The following TRPC6 variants were observed in gnomAD, a reference collection of about 807,000 sequenced individuals.
The protein encoded by TRPC6 is short transient receptor potential channel 6.
Under a neutral mutation model 90.7 loss-of-function variants are expected in TRPC6, and 55 were observed. The ratio of observed to expected loss-of-function variants is 0.61; its 90% confidence interval spans 0.49 to 0.76. TRPC6 has a LOEUF of 0.76. TRPC6 is among the 30% of genes least tolerant of loss of function. The pLI is 0.00. For missense variants in TRPC6, 989 were observed against 1,122.7 expected, an observed-to-expected ratio of 0.88 and a Z score of 1.70; for synonymous variants, 393 against 393.0, an observed-to-expected ratio of 1.00 and a Z score of 0.00.
intron 1 of TRPC6, among the ~76,000 whole-genome samples, chr11:101,574,275 A>G (rs11224876): frequency 0.074 from 11,101 of 151,028 alleles, 693 homozygotes; most frequent in Non-Finnish European, 0.11. Flanking sequence ...TACCATAACA[A>G]ATTTGTTTAT....
At chr11:101,533,353 A>G (rs1157747837) in intron 1 of TRPC6, among the ~76,000 whole-genome samples, 2 of 151,990 alleles carry the variant, frequency 1.3e-5, no homozygotes, top group Non-Finnish European at 2.9e-5. Context: ...GAATGGGAGC[A>G]AGAGAGAGAG....
intron 10 of TRPC6, among the ~76,000 whole-genome samples, chr11:101,466,224 G>A (rs970755845): frequency 3.3e-5 from 5 of 152,224 alleles, no homozygotes; most frequent in Non-Finnish European, 7.3e-5. Flanking sequence ...CCTTAGCAGA[G>A]CTCAAACACT....
intron 4 of TRPC6, among the ~76,000 whole-genome samples, chr11:101,487,577 C>G (rs1168673180): frequency 6.6e-6 from 1 of 151,762 alleles, no homozygotes; most frequent in African/African-American, 2.4e-5. Context: ...ATTCCACACT[C>G]CATGTCCATG....
intron 1 of TRPC6, among the ~76,000 whole-genome samples, chr11:101,567,790 G>T (rs1217632738): frequency 6.6e-6 from 1 of 152,184 alleles, no homozygotes; most frequent in Non-Finnish European, 1.5e-5. Flanking sequence ...ACTGTTAGAA[G>T]TAAAACTAAC....
chr11:101,583,089 C>T (rs1862235057), intron 1 of TRPC6: 1 of 866,224 alleles, frequency 1.2e-6, no homozygotes, highest in Non-Finnish European at 1.4e-6. Flanking sequence ...GTCTCACTCT[C>T]GTGGGCAAAC....
Position 101,469,518 on chromosome 11 carries a change from G to A in TRPC6, c.2410-17C>T. The stretch of plus-strand genomic sequence containing the variant: ...TTCATTTATCTTTTAAAGATAGATA[G>A]TAAAATGAGTATAACTGCATAACCA... On this transcript the variant is annotated splice_polypyrimidine_tract_variant and intron_variant, in intron 9 of 12. Transcript: ENST00000344327. 2.7e-6 allele frequency: 2 copies of A among 743,938 alleles called. No individual in the cohort carries two copies. Among genetic ancestry groups the A allele is most frequent in the Non-Finnish European group, 5.0e-6 (2 of 398,114 alleles). The allele number at this position is 743,938 out of a possible 1,614,324, so 46.1% of individuals were successfully genotyped here.
intron 10 of TRPC6, among the ~76,000 whole-genome samples, chr11:101,456,417 A>G (rs377648039): frequency 6.6e-6 from 1 of 152,232 alleles, no homozygotes; most frequent in Non-Finnish European, 1.5e-5. Context: ...TTATGCCTTA[A>G]GAACATCATA....
intron 2 of TRPC6, 74 bp downstream of exon 2, chr11:101,503,950 C>T: frequency 6.3e-7 from 1 of 1,579,566 alleles, no homozygotes; most frequent in Non-Finnish European, 8.7e-7. Flanking sequence ...CAGTGCTGAG[C>T]ACATGGGGGA....
intron 1 of TRPC6, among the ~76,000 whole-genome samples, chr11:101,561,178 A>T (rs1861703815): frequency 6.6e-6 from 1 of 152,136 alleles, no homozygotes; most frequent in Non-Finnish European, 1.5e-5. Context: ...CAATTCTATC[A>T]GTGGGTTTGA....
Position 101,489,075 on chromosome 11 carries a change from C to T in TRPC6, c.1155G>A (p.Gln385=). The change falls in exon 4 of 13, where the codon CAG becomes CAA. Residue 385 remains glutamine, a synonymous_variant. Coordinates refer to ENST00000344327, the MANE Select transcript of TRPC6 (RefSeq NM_004621.6). ...TCTCATACCAAATGGAGAGAAGTTG[C>T]TGTTGGCAGTTTGGATGAGCTACAA... ...KKFVAHPNCQ[Q]QLLSIWYENL... is the part of the protein sequence containing the mutation. 6.2e-7 allele frequency: 1 copy of T among 1,614,128 alleles called. No individual in the cohort carries two copies. Among genetic ancestry groups the T allele is most frequent in the Non-Finnish European group, 8.5e-7 (1 of 1,179,986 alleles).
intron 1 of TRPC6, among the ~76,000 whole-genome samples, chr11:101,543,079 A>C (rs971984929): frequency 1.3e-5 from 2 of 152,168 alleles, no homozygotes; most frequent in African/African-American, 4.8e-5. Context: ...TTACAACTCA[A>C]TTAAGACAAA....
intron 2 of TRPC6, among the ~76,000 whole-genome samples, chr11:101,499,686 A>G (rs1385308302): frequency 7.6e-6 from 1 of 132,208 alleles, no homozygotes; most frequent in Admixed American, 7.9e-5. Flanking sequence ...TATATACACA[A>G]TATAAAATGT....
intron 6 of TRPC6, among the ~76,000 whole-genome samples, chr11:101,474,629 T>C (rs1022059264): frequency 5.9e-5 from 9 of 152,124 alleles, no homozygotes; most frequent in Non-Finnish European, 1.0e-4. Context: ...TTTTAAAAAA[T>C]CTTAAAATTA....
At chr11:101,480,355 C>G (rs1859523311) in intron 5 of TRPC6, among the ~76,000 whole-genome samples, 2 of 151,962 alleles carry the variant, frequency 1.3e-5, no homozygotes, top group Admixed American at 1.3e-4. Flanking sequence ...CTATATTCTC[C>G]CTCTTAGAGA....
At chr11:101,533,064 A>C (rs1860949436) in intron 1 of TRPC6, among the ~76,000 whole-genome samples, 2 of 152,182 alleles carry the variant, frequency 1.3e-5, no homozygotes, top group Admixed American at 1.3e-4. Flanking sequence ...GCACTTAGAA[A>C]AATGGGATTG....
intron 4 of TRPC6, among the ~76,000 whole-genome samples, chr11:101,485,577 C>CTT (rs201220023): frequency 1.6e-5 from 2 of 125,472 alleles, no homozygotes; most frequent in African/African-American, 3.5e-5. Context: ...AAATCCTAAA[C>CTT]TTTTTTTTTT....
At chr11:101,581,227 A>G (rs976692467) in intron 1 of TRPC6, among the ~76,000 whole-genome samples, 7 of 152,200 alleles carry the variant, frequency 4.6e-5, no homozygotes, top group African/African-American at 1.7e-4. Flanking sequence ...ATAGTCCAGG[A>G]TTCTTGAACT....
In TRPC6 at chr11:101,583,351, G is replaced by A. The variant is rs1019643508; in HGVS notation, c.153C>T (p.Tyr51=). Residue 51 remains tyrosine, a synonymous_variant, in exon 1 of 13, where the codon TAC becomes TAT. Transcript: ENST00000344327. ...DGCPQAPLPC[Y]GYYPCFRGSD... The stretch of plus-strand genomic sequence containing the variant: ...GCACTCACAAGCAGGGGTAGTAGCC[G>A]TAGCAAGGCAGCGGGGCTTGCGGGC... The A allele has an allele frequency of 5.6e-6, 9 of 1,592,942 alleles. No individual in the cohort carries two copies. In the Admixed American group the frequency reaches 8.5e-5, roughly 15 times the overall value.
chr11:101,457,077 T>C (rs1164964558), intron 10 of TRPC6, among the ~76,000 whole-genome samples: 1 of 152,140 alleles, frequency 6.6e-6, no homozygotes, highest in African/African-American at 2.4e-5. Flanking sequence ...AACACGTTTG[T>C]ACATAAAAGA....
Sources: gnomAD v4.1 joint callset for allele counts (sites outside exome capture counted in the v4.1 genomes callset) on GRCh38, gnomAD v4.1.1 for gene constraint, MANE v1.5 for transcripts, NCBI Gene and HGNC (gene_info 2026-07-23, HGNC 2026-07-21) for gene names.